NCKIPSD: variants seen among roughly 807,000 people sequenced by gnomAD.
NCKIPSD encodes the protein NCK interacting protein with SH3 domain.
NCKIPSD carries 48 observed loss-of-function variants against 73.4 expected under a neutral mutation model. The ratio of observed to expected loss-of-function variants is 0.65; its 90% confidence interval spans 0.52 to 0.83. The LOEUF (loss-of-function observed/expected upper bound fraction) is 0.83, where lower values mean the gene tolerates loss of function less well. Among genes scored for constraint, NCKIPSD ranks in the 40% least tolerant of loss-of-function variants. The pLI, the probability that NCKIPSD is intolerant of heterozygous loss-of-function variation, is 0.00. For missense variants in NCKIPSD, 884 were observed against 970.2 expected, an observed-to-expected ratio of 0.91 and a Z score of 1.18; for synonymous variants, 422 against 403.6, an observed-to-expected ratio of 1.05 and a Z score of -0.54.
Position 48,681,716 on chromosome 3 carries a change from G to A in NCKIPSD, c.663C>T (p.Thr221=). The change falls in exon 5 of 13, where the codon ACC becomes ACT. Residue 221 remains threonine, a synonymous_variant. Coordinates refer to ENST00000294129, the MANE Select transcript of NCKIPSD (RefSeq NM_016453.4). ...AGCTGGTATAGAGCGTGTCCAGGGA[G>A]GTGCTGCTGACTGAGGAGCCGCTGG... The part of the protein sequence containing the change: ...SVSSGSSVSS[T]SLDTLYTSSS... 6.4e-7 allele frequency: 1 copy of A among 1,553,072 alleles called. No homozygotes were observed. Among genetic ancestry groups the A allele is most frequent in the South Asian group, 1.2e-5 (1 of 80,710 alleles).
At chr3:48,682,810 T>C (rs950306361) in intron 2 of NCKIPSD, 93 bp downstream of exon 2, 22 of 1,484,686 alleles carry the variant, frequency 1.5e-5, no homozygotes, top group Non-Finnish European at 2.0e-5. Context: ...AACCCTCGCA[T>C]TTCCCAGGCC....
At chr3:48,674,789 C>A in intron 12 of NCKIPSD, 42 bp from the exon 13 acceptor site, 1 of 1,598,088 alleles carries the variant, frequency 6.3e-7, no homozygotes. Flanking sequence ...CAGGGAGGTA[C>A]TGCAACCACC....
Position 48,679,140 on chromosome 3 carries a change from G to A in NCKIPSD, c.1614C>T (p.Val538=), listed in dbSNP as rs780881270. The A allele has an allele frequency of 1.4e-5, 22 of 1,613,988 alleles. No homozygotes were observed. Among genetic ancestry groups the A allele is most frequent in the East Asian group, 1.1e-4 (5 of 44,878 alleles). Residue 538 remains valine (V), a synonymous_variant, in exon 10 of 13, where the codon GTC becomes GTT. Coordinates refer to ENST00000294129, the MANE Select transcript of NCKIPSD (RefSeq NM_016453.4). ...TGGTGTCCAAGGGCAGCCCATCCTC[G>A]ACGATGTTCAGTAGGAACTGGGCGA... ...TPFAQFLLNI[V]EDGLPLDTTE...
In NCKIPSD at chr3:48,685,413, G is replaced by C. The variant is rs1012729032; in HGVS notation, c.171+224C>G. ...CAGAGTTAGGCTTTTGGTCGATCGG[G>C]AGTTGGTCTGTCAAGGGCCTGGTCT... On this transcript the variant is annotated intron_variant, in intron 1 of 12. Coordinates refer to ENST00000294129, the MANE Select transcript of NCKIPSD (RefSeq NM_016453.4). 7.0e-4 allele frequency among the ~76,000 whole-genome samples: 107 copies of C among 152,130 alleles called. 1 individual carries two copies. The highest frequency in any genetic ancestry group is 2.1e-4 in the Non-Finnish European group (14 of 68,020).
chr3:48,682,959 G>A lies in NCKIPSD; in HGVS notation c.225C>T (p.His75=), dbSNP rs371537709. The A allele has an allele frequency of 3.0e-5, 46 of 1,552,756 alleles. 1 individual carries two copies. In the East Asian group the frequency reaches 8.0e-4, roughly 27 times the overall value. Residue 75 remains histidine (H), a synonymous_variant, in exon 2 of 13, where the codon CAC becomes CAT. Coordinates refer to ENST00000294129, the MANE Select transcript of NCKIPSD (RefSeq NM_016453.4). ...QAIDRAIEAV[H]NTAMRDGGKY... ...TGCCACCATCCCGCATGGCTGTGTT[G>A]TGTACAGCCTCGATGGCCCGGTCAA...
In NCKIPSD at chr3:48,677,381, A is replaced by G. The variant is rs765521337; in HGVS notation, c.1965+1183T>C. Among the ~76,000 whole-genome samples the G allele has an allele frequency of 6.7e-5, 10 of 148,576 alleles. No individual in the cohort carries two copies. In the South Asian group the frequency reaches 8.4e-4, roughly 13 times the overall value. ...CCAGCCTTGGCAACAGTGGGAGACA[A>G]ACAAACAAACAAACAACAACAACAA... On this transcript the variant is annotated intron_variant, in intron 12 of 12. Transcript: ENST00000294129.
At chr3:48,680,285 G>A in intron 5 of NCKIPSD, 56 bp from the exon 6 acceptor site, 1 of 1,509,114 alleles carries the variant, frequency 6.6e-7, no homozygotes, top group Non-Finnish European at 8.9e-7. Context: ...ACCATCTCCA[G>A]GGAGCCTCCA....
At chr3:48,684,732 G>A (rs1026480973) in intron 1 of NCKIPSD, among the ~76,000 whole-genome samples, 15 of 152,210 alleles carry the variant, frequency 9.9e-5, no homozygotes, top group Admixed American at 2.0e-4. Context: ...GCTACTCTTA[G>A]GGAAACAGGA....
rs1232187319 is a variant in NCKIPSD at position 48,682,818 on chromosome 3, G to A, written c.281+85C>T. 2.0e-6 allele frequency: 3 copies of A among 1,492,918 alleles called. No individual in the cohort carries two copies. The African/African-American group carries it at 4.2e-5, about 21-fold the overall frequency. 92.5% of individuals were successfully genotyped at this position (1,492,918 alleles called of 1,614,324 possible). On this transcript the variant is annotated intron_variant, in intron 2 of 12. Transcript: ENST00000294129. ...CCTTGCCAACCCTCGCATTTCCCAG[G>A]CCCACCTGCCCCATGACACTCATTG...
intron 12 of NCKIPSD, among the ~76,000 whole-genome samples, chr3:48,676,259 T>G (rs1200074728): frequency 1.3e-5 from 2 of 152,170 alleles, no homozygotes; most frequent in African/African-American, 4.8e-5. Flanking sequence ...GAAGTAATCT[T>G]GCAGAAACCC....
chr3:48,673,973 T>C lies in NCKIPSD; in HGVS notation c.*571A>G. The C allele has an allele frequency of 2.8e-6, 3 of 1,068,926 alleles. No homozygotes were observed. The highest frequency in any genetic ancestry group is 3.4e-6 in the Non-Finnish European group (3 of 880,960). The allele number at this position is 1,068,926 out of a possible 1,614,324, so 66.2% of individuals were successfully genotyped here. A position where few individuals can be genotyped will look rare whatever the true frequency, so the allele number is the denominator to read the frequency against. ...TGGCTTTCTCAGTGCCATCATCCTG[T>C]TCCATGAGGCTCCAGGATGGATGGC... is the stretch of plus-strand genomic sequence containing the variant. On this transcript the variant is annotated 3_prime_UTR_variant, in exon 13 of 13. Coordinates refer to ENST00000294129, the MANE Select transcript of NCKIPSD (RefSeq NM_016453.4).
Position 48,674,666 on chromosome 3 carries a change from G to C in NCKIPSD, c.2047C>G (p.Leu683Val). The C allele has an allele frequency of 6.2e-7, 1 of 1,614,080 alleles. No homozygotes were observed. The highest frequency in any genetic ancestry group is 8.5e-7 in the Non-Finnish European group (1 of 1,179,996). ...AGGATGCGTCGCAGTATGGCCTGCA[G>C]GTCGGGTAGCCGGTGGCGGTGCTGC... ...YLQHRHRLPDLQAILRRILNE... is the reference protein window; with the variant it reads ...YLQHRHRLPDVQAILRRILNE... Residue 683 changes from leucine to valine, a missense_variant, in exon 13 of 13, where the codon CTG becomes GTG. Leu to Val is a conservative substitution (Grantham distance 32, BLOSUM62 1). Transcript: ENST00000294129.
intron 12 of NCKIPSD, 98 bp from the exon 13 acceptor site, chr3:48,674,845 T>G: frequency 7.9e-7 from 1 of 1,263,316 alleles, no homozygotes; most frequent in Non-Finnish European, 1.1e-6. Flanking sequence ...CCCAGGGCTG[T>G]GGACCTGAAC....
intron 5 of NCKIPSD, 48 bp downstream of exon 5, chr3:48,681,239 G>A: frequency 2.6e-6 from 4 of 1,519,840 alleles, no homozygotes; most frequent in Non-Finnish European, 2.6e-6. Flanking sequence ...TGTGACGGTG[G>A]GAACAGGGTG....
At position 48,684,015 on chromosome 3, in the gene NCKIPSD, C is replaced by G. The variant is rs1297607280; in HGVS notation, c.172-1003G>C. ...ACACACACACACACACACACACACA[C>G]ACACAGAGAGAGAGAGAAAGAAAGG... On this transcript the variant is annotated intron_variant, in intron 1 of 12. Transcript: ENST00000294129. Among the ~76,000 whole-genome samples, 223 of 149,742 alleles carry G rather than the reference C, an allele frequency of 1.5e-3. 1 individual carries two copies. The highest frequency in any genetic ancestry group is 5.3e-3 in the African/African-American group (212 of 39,796).
chr3:48,681,639 G>T lies in NCKIPSD; in HGVS notation c.740C>A (p.Pro247His). 6.2e-7 allele frequency: 1 copy of T among 1,612,990 alleles called. No individual in the cohort carries two copies. Among genetic ancestry groups the T allele is most frequent in the South Asian group, 1.1e-5 (1 of 90,984 alleles). Residue 247 changes from proline (P) to histidine (H), a missense_variant, in exon 5 of 13, where the codon CCC becomes CAC. Transcript: ENST00000294129. ...CACGGTGGTGTGGGTGCCTCGGCGGGGCACAGGTGGGGGTGTGGGTGAGCA... is the reference window on the plus strand; with the variant it reads ...CACGGTGGTGTGGGTGCCTCGGCGGTGCACAGGTGGGGGTGTGGGTGAGCA... ...SSCSPTPPPV[P>H]RRGTHTTVSQ...
chr3:48,681,439 C>A lies in NCKIPSD; in HGVS notation c.940G>T (p.Ala314Ser). 6.2e-7 allele frequency: 1 copy of A among 1,614,102 alleles called. No homozygotes were observed. Among genetic ancestry groups the A allele is most frequent in the Non-Finnish European group, 8.5e-7 (1 of 1,180,026 alleles). The change falls in exon 5 of 13, where the codon GCC (alanine) becomes TCC (serine). Residue 314 changes from alanine to serine, a missense_variant. By Grantham distance (99) the Ala-to-Ser change is moderately conservative (BLOSUM62 1). Coordinates refer to ENST00000294129, the MANE Select transcript of NCKIPSD (RefSeq NM_016453.4). ...CTCCGCACCAGCTCCATCAGCTCGG[C>A]CCCAATGGTCCTGGGCACAGCCGCC... Reference protein sequence around the residue: ...AEAAVPRTIGAELMELVRRNT... With the variant: ...AEAAVPRTIGSELMELVRRNT...
Position 48,679,438 on chromosome 3 carries a change from G to A in NCKIPSD, c.1509C>T (p.Tyr503=). 5 of 1,613,608 alleles carry A rather than the reference G, an allele frequency of 3.1e-6. No individual in the cohort carries two copies. Among genetic ancestry groups the A allele is most frequent in the Non-Finnish European group, 4.2e-6 (5 of 1,179,658 alleles). The change falls in exon 9 of 13, where the codon TAC becomes TAT. Residue 503 remains tyrosine (Y), a synonymous_variant. Coordinates refer to ENST00000294129, the MANE Select transcript of NCKIPSD (RefSeq NM_016453.4). The part of the protein sequence containing the change: ...TDTQDHQKLC[Y]SALILAMVFS... Reference sequence around the variant, plus strand: ...AGACCATGGCCAGGATGAGGGCAGAGTAACAGAGTTTCTGGTGGTCTGGGG... The same window carrying A: ...AGACCATGGCCAGGATGAGGGCAGAATAACAGAGTTTCTGGTGGTCTGGGG...
At chr3:48,682,622 G>A in intron 2 of NCKIPSD, 70 bp from the exon 3 acceptor site, 1 of 1,544,172 alleles carries the variant, frequency 6.5e-7, no homozygotes, top group South Asian at 1.2e-5. Flanking sequence ...TGCCCCTGTG[G>A]GATGCTGGGA....
Sources: gnomAD v4.1 joint callset for allele counts (sites outside exome capture counted in the v4.1 genomes callset) on GRCh38, gnomAD v4.1.1 for gene constraint, MANE v1.5 for transcripts, NCBI Gene and HGNC (gene_info 2026-07-23, HGNC 2026-07-21) for gene names.